ALK: variants seen among roughly 807,000 people sequenced by gnomAD.
ALK encodes the protein ALK tyrosine kinase receptor.
A neutral mutation model predicts 163.1 loss-of-function variants in ALK; 74 were observed. The observed-to-expected ratio is 0.45, with a 90% confidence interval of 0.38 to 0.55. The LOEUF is 0.55. ALK is among the 20% of genes least tolerant of loss of function. The pLI is 0.00. For missense variants in ALK, 2,063 were observed against 2,105.3 expected, an observed-to-expected ratio of 0.98 and a Z score of 0.39; for synonymous variants, 960 against 843.2, an observed-to-expected ratio of 1.14 and a Z score of -2.40.
chr2:29,558,846 C>T (rs572573059), intron 3 of ALK, among the ~76,000 whole-genome samples: 10 of 152,256 alleles, frequency 6.6e-5, no homozygotes, highest in Admixed American at 2.6e-4. Flanking sequence ...TTCTGGCATA[C>T]GGTGGACACC....
At chr2:29,203,775 C>A (rs865985840) in intron 26 of ALK, among the ~76,000 whole-genome samples, 12 of 151,892 alleles carry the variant, frequency 7.9e-5, no homozygotes, top group Admixed American at 5.9e-4. Context: ...TGAGCCACTG[C>A]GCCCGGCCGA....
rs1240708362 is a variant in ALK at position 29,428,669 on chromosome 2, C to T, written c.1155-44810G>A. On this transcript the variant is annotated intron_variant, in intron 4 of 28. Transcript: ENST00000389048. The stretch of plus-strand genomic sequence containing the variant: ...AAAATCTTAGGCCCAGATATCTTCA[C>T]TACTGAATTATGTCATTTAAAAAAT... Among the ~76,000 whole-genome samples the T allele has an allele frequency of 2.6e-5, 4 of 151,966 alleles. No individual in the cohort carries two copies. The East Asian group carries it at 7.7e-4, about 29-fold the overall frequency.
At chr2:29,776,124 C>A (rs1182180112) in intron 1 of ALK, among the ~76,000 whole-genome samples, 1 of 151,068 alleles carries the variant, frequency 6.6e-6, no homozygotes, top group Admixed American at 6.6e-5. Context: ...TGAGGCACAG[C>A]ACAAGGCTTA....
At chr2:29,795,544 T>C (rs990605620) in intron 1 of ALK, among the ~76,000 whole-genome samples, 6 of 152,194 alleles carry the variant, frequency 3.9e-5, no homozygotes, top group African/African-American at 1.4e-4. Context: ...TGCTGCAATC[T>C]TTATAGGATA....
At chr2:29,207,408 G>A in intron 25 of ALK, 136 bp from the exon 26 acceptor site, 1 of 732,888 alleles carries the variant, frequency 1.4e-6, no homozygotes, top group Non-Finnish European at 2.5e-6. Context: ...GTCCTTGGCG[G>A]TTCAGGAGGA....
At chr2:29,657,195 T>G (rs1677208852) in intron 3 of ALK, among the ~76,000 whole-genome samples, 1 of 151,866 alleles carries the variant, frequency 6.6e-6, no homozygotes. Context: ...TGGACAAGAG[T>G]GAGAAGGGAA....
chr2:29,389,381 G>A (rs1669108530), intron 4 of ALK, among the ~76,000 whole-genome samples: 1 of 152,222 alleles, frequency 6.6e-6, no homozygotes, highest in Admixed American at 6.5e-5. Context: ...AAAGGGCAAT[G>A]CAGAAATGCA....
At chr2:29,432,993 A>G (rs1670310218) in intron 4 of ALK, among the ~76,000 whole-genome samples, 1 of 152,200 alleles carries the variant, frequency 6.6e-6, no homozygotes, top group East Asian at 1.9e-4. Flanking sequence ...GATAGTCAAT[A>G]AGATCCTTCC....
chr2:29,795,373 A>G (rs1664282654), intron 1 of ALK, among the ~76,000 whole-genome samples: 1 of 152,224 alleles, frequency 6.6e-6, no homozygotes, highest in African/African-American at 2.4e-5. Context: ...GTGGGAGTAT[A>G]AATTGTTCTG....
At chr2:29,882,760 T>C (rs189096883) in intron 1 of ALK, among the ~76,000 whole-genome samples, 4 of 152,214 alleles carry the variant, frequency 2.6e-5, no homozygotes, top group Non-Finnish European at 5.9e-5. Context: ...GGGCTGTTTA[T>C]GTTTACCTAA....
intron 5 of ALK, among the ~76,000 whole-genome samples, chr2:29,354,534 G>A (rs1250514799): frequency 1.3e-5 from 2 of 151,958 alleles, no homozygotes; most frequent in Admixed American, 6.6e-5. Flanking sequence ...GGGAGCCATG[G>A]CATCGTGCAC....
intron 1 of ALK, among the ~76,000 whole-genome samples, chr2:29,836,485 C>T (rs776686927): frequency 6.6e-6 from 1 of 152,192 alleles, no homozygotes; most frequent in Non-Finnish European, 1.5e-5. Flanking sequence ...TAAGTGTTCA[C>T]TCAGAACTGA....
intron 15 of ALK, among the ~76,000 whole-genome samples, chr2:29,231,596 T>C (rs536506610): frequency 2.2e-4 from 33 of 149,352 alleles, no homozygotes; most frequent in African/African-American, 7.0e-4. Context: ...GTTTCTACTC[T>C]TCTATTCTAG....
intron 2 of ALK, among the ~76,000 whole-genome samples, chr2:29,711,900 A>C (rs1679115603): frequency 6.6e-6 from 1 of 151,516 alleles, no homozygotes; most frequent in South Asian, 2.1e-4. Flanking sequence ...ATCTTTTCTG[A>C]CTTGTTTTTC....
intron 5 of ALK, among the ~76,000 whole-genome samples, chr2:29,345,455 T>TAAAA (rs1297343779): frequency 1.5e-4 from 22 of 148,880 alleles, no homozygotes; most frequent in East Asian, 7.8e-4. Flanking sequence ...AATAAATAAA[T>TAAAA]AAAAATAATA....
chr2:29,428,033 G>GTCAA (rs1458094630), intron 4 of ALK, among the ~76,000 whole-genome samples: 12 of 152,116 alleles, frequency 7.9e-5, no homozygotes, highest in African/African-American at 2.9e-4. Context: ...TAACCAGTGG[G>GTCAA]TCAAAGGAGA....
At chr2:29,342,877 CTT>C (rs57838065) in intron 5 of ALK, among the ~76,000 whole-genome samples, 2,135 of 90,396 alleles carry the variant, frequency 0.024, 34 homozygotes, top group African/African-American at 0.086. Flanking sequence ...GCTCAGTGAT[CTT>C]TTTTTTTTTT....
At chr2:29,324,935 G>A (rs1667205770) in intron 6 of ALK, among the ~76,000 whole-genome samples, 1 of 152,094 alleles carries the variant, frequency 6.6e-6, no homozygotes, top group African/African-American at 2.4e-5. Flanking sequence ...TCCATCTCAG[G>A]CCCTCCACTC....
At chr2:29,454,105 T>A (rs1468722746) in intron 4 of ALK, among the ~76,000 whole-genome samples, 1 of 152,052 alleles carries the variant, frequency 6.6e-6, no homozygotes, top group Non-Finnish European at 1.5e-5. Flanking sequence ...CATATGTGAG[T>A]CTCTACAGAC....
Sources: allele counts gnomAD v4.1 joint callset (sites outside exome capture counted in the v4.1 genomes callset), GRCh38; gene constraint gnomAD v4.1.1; transcripts MANE v1.5; gene names NCBI Gene and HGNC (gene_info 2026-07-23, HGNC 2026-07-21).